Variants in ADGRA3 observed in about 807,000 individuals in gnomAD.
ADGRA3 encodes adhesion G protein-coupled receptor A3, also known as G-protein coupled receptor 125.
ADGRA3 carries 56 observed loss-of-function variants against 119.8 expected under a neutral mutation model. That is an observed-to-expected ratio of 0.47 (90% CI 0.38 to 0.58). ADGRA3 has a LOEUF of 0.58. Among genes scored for constraint, ADGRA3 ranks in the 20% least tolerant of loss-of-function variants. The pLI is 0.00. For synonymous variants in ADGRA3, 607 were observed against 623.8 expected, an observed-to-expected ratio of 0.97 and a Z score of 0.40; for missense variants, 1,516 against 1,649.0, an observed-to-expected ratio of 0.92 and a Z score of 1.40.
At chr4:22,405,060 G>A (rs574691642) in intron 14 of ADGRA3, among the ~76,000 whole-genome samples, 4 of 152,212 alleles carry the variant, frequency 2.6e-5, no homozygotes, top group Admixed American at 2.6e-4. Context: ...CTGTAAAATG[G>A]AGGCTCCTCT....
chr4:22,412,989 C>T (rs1293189691), intron 14 of ADGRA3, among the ~76,000 whole-genome samples, 193 bp downstream of exon 14: 1 of 151,170 alleles, frequency 6.6e-6, no homozygotes, highest in Non-Finnish European at 1.5e-5. Flanking sequence ...ATACATTTCA[C>T]TTGGTAGTAA....
chr4:22,473,110 A>G (rs1717912280), intron 2 of ADGRA3: 1 of 152,148 alleles, frequency 6.6e-6, no homozygotes, highest in East Asian at 1.9e-4. Flanking sequence ...TCCCCTTGAC[A>G]TCACATCCTC....
At chr4:22,511,790 T>C (rs1719454378) in intron 1 of ADGRA3, among the ~76,000 whole-genome samples, 1 of 151,994 alleles carries the variant, frequency 6.6e-6, no homozygotes, top group African/African-American at 2.4e-5. Context: ...AACCAGATAC[T>C]GTCCTCTCCA....
At chr4:22,444,292 A>ATT (rs879771750) in intron 6 of ADGRA3, among the ~76,000 whole-genome samples, 1 of 149,838 alleles carries the variant, frequency 6.7e-6, no homozygotes, top group Non-Finnish European at 1.5e-5. Context: ...TGTATCAGTT[A>ATT]TTTTTTTTTT....
chr4:22,442,803 T>A lies in ADGRA3; in HGVS notation c.767A>T (p.Glu256Val). ...MTPSHRQVVFEGDSLPFQCMA... is the reference protein window; with the variant it reads ...MTPSHRQVVFVGDSLPFQCMA... ...GCACTGGAAAGGAAGGCTGTCTCCT[T>A]CAAACACAACTTGGCGATGAGATGG... The change falls in exon 7 of 19, where the codon GAA (glutamate) becomes GTA (valine). Residue 256 changes from glutamate to valine, a missense_variant. By Grantham distance (121) the Glu-to-Val change is moderately radical. Around this residue, in one of 2 missense-constraint regions of ADGRA3, gnomAD observed 428 missense variants for 541.9 expected, o/e 0.79. Transcript: ENST00000334304. 6.2e-7 allele frequency: 1 copy of A among 1,613,436 alleles called. No individual in the cohort carries two copies.
chr4:22,417,489 C>T (rs1451904674), intron 12 of ADGRA3, among the ~76,000 whole-genome samples: 1 of 152,150 alleles, frequency 6.6e-6, no homozygotes, highest in Non-Finnish European at 1.5e-5. Context: ...AACAACCCTT[C>T]GAGTTAAGGA....
At chr4:22,422,090 G>A (rs1191395868) in intron 11 of ADGRA3, among the ~76,000 whole-genome samples, 1 of 151,900 alleles carries the variant, frequency 6.6e-6, no homozygotes, top group Non-Finnish European at 1.5e-5. Context: ...GGACAGAGTG[G>A]GCGTGAGAAG....
chr4:22,444,020 CTTTT>C (rs76267776), intron 6 of ADGRA3, among the ~76,000 whole-genome samples: 2,152 of 152,140 alleles, frequency 0.014, 24 homozygotes, highest in Middle Eastern at 0.048. Context: ...TGTAGGTGTG[CTTTT>C]TTGTTTTTTG....
At position 22,388,794 on chromosome 4, in the gene ADGRA3, T is replaced by C. The variant is rs949850400; in HGVS notation, c.2877A>G (p.Gln959=). The part of the protein sequence containing the change: ...KYELKEPTEE[Q]QRLAANENGE... Reference sequence around the variant, plus strand: ...CATTTTCATTGGCTGCCAATCTCTGTTGCTCCTCCGTGGGCTCCTTAAGCT... The same window carrying C: ...CATTTTCATTGGCTGCCAATCTCTGCTGCTCCTCCGTGGGCTCCTTAAGCT... The change falls in exon 19 of 19, where the codon CAA becomes CAG. Residue 959 remains glutamine (Q), a synonymous_variant. Transcript: ENST00000334304. 10 of 1,613,996 alleles carry C rather than the reference T, an allele frequency of 6.2e-6. No homozygotes were observed. Among genetic ancestry groups the C allele is most frequent in the East Asian group, 2.2e-5 (1 of 44,876 alleles).
In ADGRA3 at chr4:22,401,650, GTTAAAT is replaced by G; in HGVS notation, c.2358-102_2358-97del. The stretch of plus-strand genomic sequence containing the variant: ...AATTCCAACTTCATCAAAGGTAAAA[GTTAAAT>G]ATTTGATATTTAAACATTTAACAAA... On this transcript the variant is annotated intron_variant, in intron 15 of 18. Coordinates refer to ENST00000334304, the MANE Select transcript of ADGRA3 (RefSeq NM_145290.4). 3 of 844,700 alleles carry G rather than the reference GTTAAAT, an allele frequency of 3.6e-6. 1 individual carries two copies. The South Asian group carries it at 6.5e-5, about 18-fold the overall frequency. 52.3% of individuals were successfully genotyped at this position (844,700 alleles called of 1,614,324 possible). A position where few individuals can be genotyped will look rare whatever the true frequency, so the allele number is the denominator to read the frequency against.
chr4:22,410,104 T>C (rs1480057055), intron 14 of ADGRA3, among the ~76,000 whole-genome samples: 1 of 151,998 alleles, frequency 6.6e-6, no homozygotes, highest in African/African-American at 2.4e-5. Context: ...CAGCATGTTT[T>C]ATATAAACAA....
chr4:22,413,972 C>G (rs547287608), intron 12 of ADGRA3, 158 bp from the exon 13 acceptor site: 12 of 535,486 alleles, frequency 2.2e-5, no homozygotes, highest in Non-Finnish European at 3.6e-5. Context: ...ATCAGTCAAG[C>G]GAAATGTCAA....
rs1713973418 is a variant in ADGRA3 at position 22,388,882 on chromosome 4, A to G, written c.2789T>C (p.Val930Ala). 2 of 1,614,144 alleles carry G rather than the reference A, an allele frequency of 1.2e-6. No homozygotes were observed. The highest frequency in any genetic ancestry group is 2.2e-5 in the South Asian group (2 of 91,084). Residue 930 changes from valine (V) to alanine (A), a missense_variant, in exon 19 of 19, where the codon GTA (valine) becomes GCA (alanine). By Grantham distance (64) the Val-to-Ala change is moderately conservative. Around this residue, in one of 2 missense-constraint regions of ADGRA3, gnomAD observed 1,088 missense variants for 1,107.1 expected, o/e 0.98. Coordinates refer to ENST00000334304, the MANE Select transcript of ADGRA3 (RefSeq NM_145290.4). ...FYGPASFITFVNCMYFLSIFI... is the reference protein window; with the variant it reads ...FYGPASFITFANCMYFLSIFI... ...TATGCTCAGAAAGTACATGCAGTTT[A>G]CAAAAGTGATGAAGCTGGCTGGCCC...
intron 3 of ADGRA3, among the ~76,000 whole-genome samples, chr4:22,456,880 C>A (rs1717259302): frequency 6.6e-6 from 1 of 152,154 alleles, no homozygotes; most frequent in Admixed American, 6.5e-5. Context: ...CTTTATCTGT[C>A]CTCGTTTTTC....
chr4:22,451,626 T>C (rs1051280296), intron 4 of ADGRA3, among the ~76,000 whole-genome samples: 1 of 146,414 alleles, frequency 6.8e-6, no homozygotes, highest in Admixed American at 6.8e-5. Flanking sequence ...AAAAAAAAAA[T>C]TATTAAATTT....
In ADGRA3 at chr4:22,412,278, A is replaced by T. The variant is rs182084062; in HGVS notation, c.2232+904T>A. ...TGATGTCAGTATTTATAATAATTACAATATAAAATAAGAACTAGCATGGTT... is the reference window on the plus strand; with the variant it reads ...TGATGTCAGTATTTATAATAATTACTATATAAAATAAGAACTAGCATGGTT... On this transcript the variant is annotated intron_variant, in intron 14 of 18. Transcript: ENST00000334304. Among the ~76,000 whole-genome samples, 26 of 152,268 alleles carry T rather than the reference A, an allele frequency of 1.7e-4. No individual in the cohort carries two copies. The East Asian group carries it at 5.0e-3, about 29-fold the overall frequency.
At chr4:22,458,372 C>T (rs1028523403) in intron 3 of ADGRA3, among the ~76,000 whole-genome samples, 4 of 152,174 alleles carry the variant, frequency 2.6e-5, no homozygotes, top group African/African-American at 9.7e-5. Context: ...TATCCCCTGC[C>T]TGTGTCTGGA....
Position 22,387,644 on chromosome 4 carries a change from A to G in ADGRA3, c.*61T>C. On this transcript the variant is annotated 3_prime_UTR_variant, in exon 19 of 19. Coordinates refer to ENST00000334304, the MANE Select transcript of ADGRA3 (RefSeq NM_145290.4). ...CTGTAAACAGTTTTTAAATGCTCATAGCTTCAAGGAATGTGAGTATCACAG... is the reference window on the plus strand; with the variant it reads ...CTGTAAACAGTTTTTAAATGCTCATGGCTTCAAGGAATGTGAGTATCACAG... 2 of 1,480,014 alleles carry G rather than the reference A, an allele frequency of 1.4e-6. No homozygotes were observed. The highest frequency in any genetic ancestry group is 2.3e-5 in the East Asian group (1 of 43,792). 91.7% of individuals were successfully genotyped at this position (1,480,014 alleles called of 1,614,324 possible).
At chr4:22,484,405 G>C (rs1718355616) in intron 1 of ADGRA3, among the ~76,000 whole-genome samples, 1 of 152,110 alleles carries the variant, frequency 6.6e-6, no homozygotes, top group South Asian at 2.1e-4. Flanking sequence ...AGGAGTTTGA[G>C]ACCAGCCTGA....
Sources: gnomAD v4.1 joint callset for allele counts (sites outside exome capture counted in the v4.1 genomes callset) on GRCh38, gnomAD v4.1.1 for gene constraint, gnomAD v4.1.1 regional missense constraint, MANE v1.5 for transcripts, NCBI Gene and HGNC (gene_info 2026-07-23, HGNC 2026-07-21) for gene names.